Variants in CNTN1 observed in about 807,000 individuals in gnomAD.
CNTN1 encodes contactin-1.
CNTN1 carries 38 observed loss-of-function variants against 126.4 expected under a neutral mutation model. The ratio of observed to expected loss-of-function variants is 0.30; its 90% CI spans 0.23 to 0.39. CNTN1 has a LOEUF of 0.39. Ranked by LOEUF, CNTN1 falls within the 10% of genes least tolerant of loss-of-function variation. The pLI, the probability that CNTN1 is intolerant of heterozygous loss-of-function variation, is 1.00. For missense variants in CNTN1, 1,009 were observed against 1,248.4 expected, an observed-to-expected ratio of 0.81 and a Z score of 2.89; for synonymous variants, 413 against 422.6, an observed-to-expected ratio of 0.98 and a Z score of 0.28.
In CNTN1 at chr12:40,922,312, G is replaced by A; in HGVS notation, c.284G>A (p.Gly95Glu). The change falls in exon 5 of 24, where the codon GGA becomes GAA. Residue 95 changes from glycine (G) to glutamate (E), a missense_variant. Transcript: ENST00000551295. ...ACAAGTGATCGATACAGTATGGTAG[G>A]AGGAAACCTTGTTATCAACAACCCT... is the stretch of plus-strand genomic sequence containing the variant. ...DLTSDRYSMV[G>E]GNLVINNPDK... 1 of 1,614,018 alleles carries A rather than the reference G, an allele frequency of 6.2e-7. No individual in the cohort carries two copies.
At chr12:41,017,890 G>A (rs1202761444) in intron 19 of CNTN1, among the ~76,000 whole-genome samples, 3 of 151,952 alleles carry the variant, frequency 2.0e-5, no homozygotes, top group Non-Finnish European at 4.4e-5. Flanking sequence ...TTGGGAGTTC[G>A]AGACCAGTGT....
chr12:40,705,963 T>G (rs11834010), intron 1 of CNTN1, among the ~76,000 whole-genome samples: 6,690 of 151,972 alleles, frequency 0.044, 305 homozygotes, highest in African/African-American at 0.12. Flanking sequence ...AAGGTGTTGG[T>G]GCTAAACCAT....
intron 9 of CNTN1, among the ~76,000 whole-genome samples, chr12:40,935,445 T>G (rs1946047460): frequency 6.6e-6 from 1 of 152,080 alleles, no homozygotes; most frequent in South Asian, 2.1e-4. Context: ...AGAGAAATAT[T>G]ATTTATTCTT....
intron 20 of CNTN1, among the ~76,000 whole-genome samples, chr12:41,022,772 T>C (rs779026624): frequency 1.3e-5 from 2 of 152,204 alleles, no homozygotes; most frequent in Non-Finnish European, 2.9e-5. Flanking sequence ...AACTTGAGGA[T>C]TAGAAATGTT....
At chr12:41,066,413 A>G (rs1325266119) in intron 23 of CNTN1, among the ~76,000 whole-genome samples, 2 of 152,152 alleles carry the variant, frequency 1.3e-5, no homozygotes, top group Non-Finnish European at 1.5e-5. Context: ...GTAATAAGAA[A>G]AAATTCAGGG....
intron 1 of CNTN1, among the ~76,000 whole-genome samples, chr12:40,858,984 G>A (rs763828875): frequency 1.1e-4 from 17 of 152,126 alleles, no homozygotes; most frequent in Non-Finnish European, 1.8e-4. Context: ...TCAGAGGGTG[G>A]GGTTGGGGGA....
At chr12:40,717,738 G>C (rs1038737399) in intron 1 of CNTN1, among the ~76,000 whole-genome samples, 1 of 152,078 alleles carries the variant, frequency 6.6e-6, no homozygotes, top group South Asian at 2.1e-4. Flanking sequence ...TTAGAATTGC[G>C]GGCACCACTG....
At chr12:40,793,197 C>A (rs1940285574) in intron 1 of CNTN1, among the ~76,000 whole-genome samples, 1 of 152,190 alleles carries the variant, frequency 6.6e-6, no homozygotes, top group Non-Finnish European at 1.5e-5. Flanking sequence ...ACCTTTCCTC[C>A]TTTGCCTTCT....
intron 1 of CNTN1, among the ~76,000 whole-genome samples, chr12:40,799,601 A>G (rs1008429521): frequency 2.6e-5 from 4 of 152,050 alleles, no homozygotes; most frequent in African/African-American, 9.7e-5. Flanking sequence ...AGGCTTCAGA[A>G]AATCTGGCTA....
chr12:40,971,568 T>C, intron 15 of CNTN1: 1 of 1,550,982 alleles, frequency 6.4e-7, no homozygotes, highest in Non-Finnish European at 8.7e-7. Flanking sequence ...CATATTATAC[T>C]AGATTTGACT....
intron 1 of CNTN1, among the ~76,000 whole-genome samples, chr12:40,843,375 A>C (rs1942367110): frequency 6.6e-6 from 1 of 152,220 alleles, no homozygotes; most frequent in Non-Finnish European, 1.5e-5. Flanking sequence ...TAAAAAAGAA[A>C]TTGTGGCTTA....
At chr12:40,922,220 G>T (rs762194222) in intron 4 of CNTN1, 36 bp from the exon 5 acceptor site, 3 of 1,594,106 alleles carry the variant, frequency 1.9e-6, no homozygotes, top group South Asian at 2.2e-5. Context: ...TAGGTCTCAT[G>T]ACCTGTGATA....
In CNTN1 at chr12:41,000,454, A is replaced by T. The variant is rs12306182; in HGVS notation, c.2113+7185A>T. Among the ~76,000 whole-genome samples the T allele has an allele frequency of 6.7e-3, 1,014 of 152,256 alleles. 15 individuals are homozygous for T. Among genetic ancestry groups the T allele is most frequent in the African/African-American group, 0.022 (927 of 41,568 alleles). On this transcript the variant is annotated intron_variant, in intron 17 of 23. Coordinates refer to ENST00000551295, the MANE Select transcript of CNTN1 (RefSeq NM_001843.4). ...AAAAGAGTTCCTAGAAGTTATTTTA[A>T]TACTCCAGCTCTTAATATATATTAT...
intron 1 of CNTN1, among the ~76,000 whole-genome samples, chr12:40,872,208 TTGTTTGTGTGTGTGTG>T (rs1240170925): frequency 0.05 from 6,167 of 124,104 alleles, 200 homozygotes; most frequent in African/African-American, 0.1. Context: ...TTCCGTTGCT[TTGTTTGTGTGTGTGTG>T]TGTGTGTGTG....
intron 1 of CNTN1, among the ~76,000 whole-genome samples, chr12:40,698,133 G>A (rs1009831778): frequency 6.6e-6 from 1 of 151,644 alleles, no homozygotes; most frequent in African/African-American, 2.4e-5. Context: ...GGTTTGCCCG[G>A]TTCTCCAGAG....
At chr12:40,830,962 T>TATATAC (rs1405165659) in intron 1 of CNTN1, among the ~76,000 whole-genome samples, 19 of 128,796 alleles carry the variant, frequency 1.5e-4, no homozygotes, top group African/African-American at 5.5e-4. Flanking sequence ...TATATATATA[T>TATATAC]ACACACACAC....
rs779947650 is a variant in CNTN1, at chr12:40,910,058, T to C, written c.62-15T>C. Reference sequence around the variant, plus strand: ...ATTGCTTCAGGATCAAAATTGTTTTTTCTTTCATTTTTAGAGTTTACATGG... The same window carrying C: ...ATTGCTTCAGGATCAAAATTGTTTTCTCTTTCATTTTTAGAGTTTACATGG... On this transcript the variant is annotated splice_polypyrimidine_tract_variant and intron_variant, in intron 2 of 23. Coordinates refer to ENST00000551295, the MANE Select transcript of CNTN1 (RefSeq NM_001843.4). 1.6e-5 allele frequency: 25 copies of C among 1,597,520 alleles called. No individual in the cohort carries two copies. The highest frequency in any genetic ancestry group is 2.0e-5 in the Non-Finnish European group (23 of 1,166,258).
chr12:40,844,360 C>A (rs1413464169), intron 1 of CNTN1, among the ~76,000 whole-genome samples: 1 of 152,056 alleles, frequency 6.6e-6, no homozygotes, highest in Non-Finnish European at 1.5e-5. Flanking sequence ...GCCACCACGC[C>A]TGGCCACAAT....
chr12:40,922,507 T>A, intron 5 of CNTN1, 79 bp downstream of exon 5: 1 of 1,341,476 alleles, frequency 7.5e-7, no homozygotes, highest in Non-Finnish European at 1.1e-6. Context: ...GAAAGGATAG[T>A]GAGAGGAAGG....
Sources: allele counts gnomAD v4.1 joint callset (sites outside exome capture counted in the v4.1 genomes callset), GRCh38; gene constraint gnomAD v4.1.1; transcripts MANE v1.5; gene names NCBI Gene and HGNC (gene_info 2026-07-23, HGNC 2026-07-21).